Variants in OPCML observed in about 807,000 individuals in gnomAD.
OPCML encodes opioid-binding protein/cell adhesion molecule.
Under a neutral mutation model 37.8 loss-of-function variants are expected in OPCML, and 13 were observed. The ratio of observed to expected loss-of-function variants is 0.34; its 90% confidence interval spans 0.22 to 0.55. The LOEUF (loss-of-function observed/expected upper bound fraction) is 0.55, where lower values mean the gene tolerates loss of function less well. OPCML is among the 20% of genes least tolerant of loss of function. The pLI, the probability that OPCML is intolerant of heterozygous loss-of-function variation, is 0.91. For synonymous variants in OPCML, 176 were observed against 168.8 expected (o/e 1.04, Z -0.33); for missense variants, 341 against 435.6 (o/e 0.78, Z 1.93).
At chr11:132,767,110 T>C (rs1946470502) in intron 2 of OPCML, among the ~76,000 whole-genome samples, 1 of 152,224 alleles carries the variant, frequency 6.6e-6, no homozygotes, top group Non-Finnish European at 1.5e-5. Flanking sequence ...AGTAGGCAAA[T>C]CTTTCAGGGG....
rs1381218724 is a variant in OPCML, at chr11:133,025,567, A to T, written c.62-82557T>A. ...TTTAAAAAGAGTGGTTCGTTTGGGTATTTCTTTTCTTATTATTTTAATTTC... is the reference window on the plus strand; with the variant it reads ...TTTAAAAAGAGTGGTTCGTTTGGGTTTTTCTTTTCTTATTATTTTAATTTC... On this transcript the variant is annotated intron_variant, in intron 1 of 7. Transcript: ENST00000524381. 5 of 609,046 alleles carry T rather than the reference A, an allele frequency of 8.2e-6. No individual in the cohort carries two copies. In the African/African-American group the frequency reaches 1.0e-4, roughly 12 times the overall value. 37.7% of individuals were successfully genotyped at this position (609,046 alleles called of 1,614,324 possible). A position where few individuals can be genotyped will look rare whatever the true frequency, so the allele number is the denominator to read the frequency against.
At chr11:132,616,889 G>T (rs1462356346) in intron 3 of OPCML, among the ~76,000 whole-genome samples, 3 of 152,190 alleles carry the variant, frequency 2.0e-5, no homozygotes. Context: ...GAGCACCTAA[G>T]ATGTGCAATG....
chr11:132,759,893 G>C lies in OPCML; in HGVS notation c.147-102574C>G, dbSNP rs546716187. Among the ~76,000 whole-genome samples the C allele has an allele frequency of 2.0e-5, 3 of 152,138 alleles. No individual in the cohort carries two copies. In the East Asian group the frequency reaches 5.8e-4, roughly 29 times the overall value. ...TAGTTCTTTTAATTGTGATATGAGG[G>C]TGCCAATTTTAGATCTTTCCCGCTT... On this transcript the variant is annotated intron_variant, in intron 2 of 7. Coordinates refer to ENST00000524381, the MANE Select transcript of OPCML (RefSeq NM_001012393.5).
intron 4 of OPCML, among the ~76,000 whole-genome samples, chr11:132,446,928 T>C (rs1203253072): frequency 6.6e-6 from 1 of 152,146 alleles, no homozygotes; most frequent in Non-Finnish European, 1.5e-5. Context: ...GAAGGCTGTA[T>C]TTTTGTAGTA....
At chr11:132,836,352 T>G (rs1591677464) in intron 2 of OPCML, among the ~76,000 whole-genome samples, 1 of 152,210 alleles carries the variant, frequency 6.6e-6, no homozygotes, top group African/African-American at 2.4e-5. Flanking sequence ...CAGAGAATTA[T>G]TTGTACAGCA....
At chr11:133,134,821 C>T (rs575303587) in intron 1 of OPCML, among the ~76,000 whole-genome samples, 38 of 152,312 alleles carry the variant, frequency 2.5e-4, no homozygotes, top group African/African-American at 8.7e-4. Flanking sequence ...CCCTGCACCC[C>T]AGCTACAAGG....
chr11:132,462,224 G>A (rs570931391), intron 4 of OPCML, among the ~76,000 whole-genome samples: 18 of 152,108 alleles, frequency 1.2e-4, no homozygotes, highest in South Asian at 6.2e-4. Flanking sequence ...CACCGCCCCC[G>A]CCACACACAC....
At chr11:133,020,648 G>T (rs146983234) in intron 1 of OPCML, among the ~76,000 whole-genome samples, 1 of 152,116 alleles carries the variant, frequency 6.6e-6, no homozygotes, top group African/African-American at 2.4e-5. Flanking sequence ...TAAAGAGGGG[G>T]GATTTTCAAG....
chr11:133,442,752 T>TGTGTGTGC (rs1555159667), intron 1 of OPCML, among the ~76,000 whole-genome samples: 2 of 151,884 alleles, frequency 1.3e-5, no homozygotes, highest in Non-Finnish European at 2.9e-5. Context: ...TGTGTGTGTG[T>TGTGTGTGC]GTGTGTGTGT....
intron 1 of OPCML, among the ~76,000 whole-genome samples, chr11:133,053,534 G>C (rs1948168868): frequency 6.6e-6 from 1 of 152,172 alleles, no homozygotes; most frequent in African/African-American, 2.4e-5. Context: ...AATTTCTGTT[G>C]TCAAGATCAC....
chr11:133,109,529 C>A (rs1012385337), intron 1 of OPCML, among the ~76,000 whole-genome samples: 1 of 152,174 alleles, frequency 6.6e-6, no homozygotes, highest in Non-Finnish European at 1.5e-5. Flanking sequence ...GTGCATTTTA[C>A]AATCCCCTTG....
At chr11:132,771,979 C>A (rs1287157913) in intron 2 of OPCML, 1 of 152,210 alleles carries the variant, frequency 6.6e-6, no homozygotes, top group African/African-American at 2.4e-5. Flanking sequence ...CAGGAATAGT[C>A]CCTCTGTTCT....
At chr11:132,505,888 C>CG (rs1218692089) in intron 4 of OPCML, among the ~76,000 whole-genome samples, 1 of 136,140 alleles carries the variant, frequency 7.3e-6, no homozygotes, top group Admixed American at 7.4e-5. Context: ...CCACTTTCTG[C>CG]GAAAAAAAAA....
At chr11:132,789,868 A>T (rs78483039) in intron 2 of OPCML, among the ~76,000 whole-genome samples, 3,364 of 152,202 alleles carry the variant, frequency 0.022, 73 homozygotes, top group African/African-American at 0.06. Flanking sequence ...AAGGGGGAGG[A>T]ATTTCTCAAG....
At chr11:133,164,470 A>G (rs534706172) in intron 1 of OPCML, among the ~76,000 whole-genome samples, 1 of 152,320 alleles carries the variant, frequency 6.6e-6, no homozygotes, top group Admixed American at 6.5e-5. Flanking sequence ...ACCCTGGGAA[A>G]ATGTCCAAGG....
chr11:133,420,959 T>A, intron 1 of OPCML: 1 of 985,254 alleles, frequency 1.0e-6, no homozygotes, highest in Non-Finnish European at 1.2e-6. Flanking sequence ...AGATTTTTAG[T>A]CAGGTGGGTG....
intron 2 of OPCML, among the ~76,000 whole-genome samples, chr11:132,743,560 A>G (rs1359737950): frequency 6.6e-6 from 1 of 152,210 alleles, no homozygotes; most frequent in Non-Finnish European, 1.5e-5. Flanking sequence ...ATACTTTTCA[A>G]AAAGAAATGA....
intron 1 of OPCML, among the ~76,000 whole-genome samples, chr11:133,249,994 C>T (rs1466201686): frequency 6.6e-6 from 1 of 152,176 alleles, no homozygotes; most frequent in Non-Finnish European, 1.5e-5. Context: ...CATCTAACAA[C>T]CCCCAGAAAC....
At chr11:132,617,322 C>T (rs1235497744) in intron 3 of OPCML, among the ~76,000 whole-genome samples, 1 of 152,222 alleles carries the variant, frequency 6.6e-6, no homozygotes, top group Non-Finnish European at 1.5e-5. Context: ...ATTCTTTCAA[C>T]TGAGCAAGAG....
Sources: gnomAD v4.1 joint callset for allele counts (sites outside exome capture counted in the v4.1 genomes callset) on GRCh38, gnomAD v4.1.1 for gene constraint, MANE v1.5 for transcripts, NCBI Gene and HGNC (gene_info 2026-07-23, HGNC 2026-07-21) for gene names.